The following TNIP1 variants were observed in gnomAD, a reference collection of about 807,000 sequenced individuals.
The protein encoded by TNIP1 is TNFAIP3-interacting protein 1.
Under a neutral mutation model 86.6 loss-of-function variants are expected in TNIP1, and 22 were observed. The ratio of observed to expected loss-of-function variants is 0.25; its 90% CI spans 0.18 to 0.36. The LOEUF (loss-of-function observed/expected upper bound fraction) is 0.36. TNIP1 is among the 10% of genes least tolerant of loss of function. The pLI is 1.00. For missense variants in TNIP1, 709 were observed against 820.6 expected, an observed-to-expected ratio of 0.86 and a Z score of 1.66; for synonymous variants, 294 against 313.0, an observed-to-expected ratio of 0.94 and a Z score of 0.64.
At chr5:151,076,712 A>G (rs1250955735) in intron 1 of TNIP1, among the ~76,000 whole-genome samples, 1 of 152,164 alleles carries the variant, frequency 6.6e-6, no homozygotes, top group Non-Finnish European at 1.5e-5. Flanking sequence ...TGGAGGTGAG[A>G]AAGGAAGAAC....
rs370805593 is a variant in TNIP1 at position 151,045,905 on chromosome 5, C to T, written c.892G>A (p.Ala298Thr). Residue 298 changes from alanine (A) to threonine (T), a missense_variant, in exon 9 of 18, where the codon GCA (alanine) becomes ACA (threonine). Coordinates refer to ENST00000521591, the MANE Select transcript of TNIP1 (RefSeq NM_006058.5). The part of the protein sequence containing the change: ...GKVPEVVALG[A>T]AEKKVKMLEQ... ...AGCATCTTCACCTTCTTCTCGGCTG[C>T]GCCCAAGGCCACCACCTCTGGGACC... The T allele has an allele frequency of 1.5e-4, 250 of 1,614,034 alleles. No homozygotes were observed. The highest frequency in any genetic ancestry group is 2.0e-4 in the Non-Finnish European group (236 of 1,180,046).
Position 151,056,908 on chromosome 5 carries a change from T to C in TNIP1, c.485A>G (p.Gln162Arg). Residue 162 changes from glutamine (Q) to arginine (R), a missense_variant, in exon 6 of 18, where the codon CAG (glutamine) becomes CGG (arginine). Physicochemically the swap from Gln to Arg is conservative, Grantham distance 43 (BLOSUM62 1). Transcript: ENST00000521591. ...REDGNLMLHL[Q>R]RLETTLSVCA... ...CACACTCAGCGTGGTCTCCAGGCGCTGCAGGTGCAGCATCAGGTTGCCGTC... is the reference window on the plus strand; with the variant it reads ...CACACTCAGCGTGGTCTCCAGGCGCCGCAGGTGCAGCATCAGGTTGCCGTC... 6.3e-7 allele frequency: 1 copy of C among 1,592,768 alleles called. No individual in the cohort carries two copies. Among genetic ancestry groups the C allele is most frequent in the African/African-American group, 1.4e-5 (1 of 73,852 alleles).
chr5:151,035,635 G>A lies in TNIP1; in HGVS notation c.1468C>T (p.Leu490=), dbSNP rs2287719. 1.2e-3 allele frequency: 1,942 copies of A among 1,614,180 alleles called. 21 individuals carry two copies. The East Asian group carries it at 0.019, about 16-fold the overall frequency. Residue 490 remains leucine (L), a synonymous_variant, in exon 14 of 18, where the codon CTG becomes TTG. Coordinates refer to ENST00000521591, the MANE Select transcript of TNIP1 (RefSeq NM_006058.5). The stretch of plus-strand genomic sequence containing the variant: ...TGCAGCTTCTCCACTTGCTTCTTCA[G>A]CTCTTCCTTCTCCTCATTCATGCGC... ...RERMNEEKEE[L]KKQVEKLQAQ...
At chr5:151,059,828 A>AGAGAGAGAGAGAGAGAGAGAGT (rs1554076446) in intron 5 of TNIP1, among the ~76,000 whole-genome samples, 3 of 56,398 alleles carry the variant, frequency 5.3e-5, no homozygotes, top group Non-Finnish European at 9.7e-5. Context: ...AGAGAGAGAG[A>AGAGAGAGAGAGAGAGAGAGAGT]GTGTGTGTGT....
chr5:151,062,438 G>A (rs959979056), intron 3 of TNIP1, among the ~76,000 whole-genome samples: 3 of 152,204 alleles, frequency 2.0e-5, no homozygotes, highest in Non-Finnish European at 2.9e-5. Context: ...TGGGCTTACT[G>A]GGAAAATCCC....
chr5:151,039,310 T>G, intron 11 of TNIP1, 85 bp from the exon 12 acceptor site: 2 of 1,466,660 alleles, frequency 1.4e-6, no homozygotes, highest in Non-Finnish European at 1.8e-6. Flanking sequence ...GCCCAGCCCT[T>G]ACGTTCTCCC....
chr5:151,042,517 C>T (rs756883519), intron 11 of TNIP1, 23 bp downstream of exon 11: 2 of 1,608,904 alleles, frequency 1.2e-6, no homozygotes, highest in South Asian at 1.1e-5. Context: ...ACTGACTCTG[C>T]AGGGACCAGC....
Position 151,035,605 on chromosome 5 carries a change from G to C in TNIP1, c.1498C>G (p.Gln500Glu), listed in dbSNP as rs531573279. The C allele has an allele frequency of 6.2e-7, 1 of 1,614,166 alleles. No individual in the cohort carries two copies. Among genetic ancestry groups the C allele is most frequent in the African/African-American group, 1.3e-5 (1 of 75,052 alleles). ...LKKQVEKLQA[Q>E]VTLSNAQLKA... ...ACCTGGGCATTTGACAGGGTGACCT[G>C]GGCCTGCAGCTTCTCCACTTGCTTC... Residue 500 changes from glutamine to glutamate, a missense_variant, in exon 14 of 18, where the codon CAG (glutamine) becomes GAG (glutamate). By Grantham distance (29) the Gln-to-Glu change is conservative (BLOSUM62 2). Transcript: ENST00000521591.
At chr5:151,065,353 A>C (rs994051964) in intron 1 of TNIP1, among the ~76,000 whole-genome samples, 3 of 152,224 alleles carry the variant, frequency 2.0e-5, no homozygotes, top group Admixed American at 6.5e-5. Context: ...GCCTCAATGC[A>C]CTGTTGGCTT....
intron 13 of TNIP1, 73 bp downstream of exon 13, chr5:151,036,717 G>A: frequency 1.2e-6 from 2 of 1,606,386 alleles, no homozygotes; most frequent in Admixed American, 3.4e-5. Flanking sequence ...GTGATTCCAA[G>A]CCGTCTGGGC....
chr5:151,043,054 G>C, intron 9 of TNIP1, 93 bp from the exon 10 acceptor site: 1 of 1,313,940 alleles, frequency 7.6e-7, no homozygotes, highest in Non-Finnish European at 1.1e-6. Context: ...CCCAAGGTGT[G>C]CTCGGTGTGT....
intron 1 of TNIP1, among the ~76,000 whole-genome samples, chr5:151,071,164 T>C (rs1034113123): frequency 1.3e-5 from 2 of 152,188 alleles, no homozygotes; most frequent in African/African-American, 4.8e-5. Flanking sequence ...CTGATGGCTG[T>C]CAGGTTCACA....
At chr5:151,058,829 C>A (rs1761017138) in intron 5 of TNIP1, among the ~76,000 whole-genome samples, 1 of 152,216 alleles carries the variant, frequency 6.6e-6, no homozygotes. Flanking sequence ...ATAACGAGAA[C>A]TGAGGTTTCC....
chr5:151,057,768 T>C (rs1235091700), intron 5 of TNIP1, among the ~76,000 whole-genome samples: 2 of 152,196 alleles, frequency 1.3e-5, no homozygotes, highest in Non-Finnish European at 1.5e-5. Context: ...TTTTTTCTTG[T>C]CATTATTCCC....
intron 16 of TNIP1, among the ~76,000 whole-genome samples, chr5:151,033,253 G>A (rs1039747736): frequency 6.6e-6 from 1 of 151,966 alleles, no homozygotes; most frequent in Non-Finnish European, 1.5e-5. Flanking sequence ...GAAACATGGT[G>A]AGGCTCTGGA....
rs938770470 is a variant in TNIP1, at chr5:151,042,399, G to A, written c.1134+141C>T. 9.5e-6 allele frequency: 10 copies of A among 1,051,762 alleles called. No homozygotes were observed. In the African/African-American group the frequency reaches 9.6e-5, roughly 10 times the overall value. The allele number at this position is 1,051,762 out of a possible 1,614,324, so 65.2% of individuals were successfully genotyped here. ...GGAAACTGCAGTGCAGGGAAGGAAC[G>A]TGCCTGTGTTTTTGGTCACCTAGCT... On this transcript the variant is annotated intron_variant, in intron 11 of 17. Transcript: ENST00000521591.
intron 1 of TNIP1, among the ~76,000 whole-genome samples, chr5:151,070,391 C>A (rs1762701403): frequency 6.6e-6 from 1 of 152,178 alleles, no homozygotes; most frequent in Non-Finnish European, 1.5e-5. Flanking sequence ...ATCTAAGGGC[C>A]AAGGCTTTCC....
chr5:151,051,027 A>G (rs574483805), intron 7 of TNIP1, among the ~76,000 whole-genome samples: 10 of 152,280 alleles, frequency 6.6e-5, no homozygotes, highest in African/African-American at 2.2e-4. Context: ...TGAAAAACCA[A>G]TAAGTAAAAT....
At position 151,042,604 on chromosome 5, in the gene TNIP1, T is replaced by A; in HGVS notation, c.1070A>T (p.Glu357Val). The A allele has an allele frequency of 6.2e-7, 1 of 1,613,816 alleles. No homozygotes were observed. The highest frequency in any genetic ancestry group is 8.5e-7 in the Non-Finnish European group (1 of 1,179,996). ...GCGGTCAAAGTCACGCTGCTTCTGC[T>A]CCCGCTCGGCCTCCAGGTCAGTCAC... ...KQVTDLEAER[E>V]QKQRDFDRKL... Residue 357 changes from glutamate (E) to valine (V), a missense_variant, in exon 11 of 18, where the codon GAG becomes GTG. Transcript: ENST00000521591.
Sources: allele counts gnomAD v4.1 joint callset (sites outside exome capture counted in the v4.1 genomes callset), GRCh38; gene constraint gnomAD v4.1.1; transcripts MANE v1.5; gene names NCBI Gene and HGNC (gene_info 2026-07-23, HGNC 2026-07-21).